IREB2: variants seen among roughly 807,000 people sequenced by gnomAD.
IREB2 encodes the protein iron-responsive element-binding protein 2.
IREB2 carries 39 observed loss-of-function variants against 118.8 expected under a neutral mutation model. The ratio of observed to expected loss-of-function variants is 0.33; its 90% CI spans 0.25 to 0.43. The LOEUF (loss-of-function observed/expected upper bound fraction) is 0.43, where lower values mean the gene tolerates loss of function less well. IREB2 is among the 20% of genes least tolerant of loss of function. The pLI is 1.00. For missense variants in IREB2, 900 were observed against 1,147.3 expected, an observed-to-expected ratio of 0.78 and a Z score of 3.11; for synonymous variants, 372 against 392.2, an observed-to-expected ratio of 0.95 and a Z score of 0.61.
rs991724853 is a variant in IREB2, at chr15:78,500,718, A to C, written c.*2575A>C. On this transcript the variant is annotated 3_prime_UTR_variant, in exon 22 of 22. Coordinates refer to ENST00000258886, the MANE Select transcript of IREB2 (RefSeq NM_004136.4). Reference sequence around the variant, plus strand: ...TATTTTGGGGTTTTGCTACTCTTATACAATGGAATCAATGGAAATGTCATC... The same window carrying C: ...TATTTTGGGGTTTTGCTACTCTTATCCAATGGAATCAATGGAAATGTCATC... The C allele has an allele frequency of 6.6e-6, 1 of 152,208 alleles. No individual in the cohort carries two copies. Among genetic ancestry groups the C allele is most frequent in the Non-Finnish European group, 1.5e-5 (1 of 68,030 alleles). The allele number at this position is 152,208 out of a possible 1,614,324, so 9.4% of individuals were successfully genotyped here.
At chr15:78,466,125 C>G in intron 4 of IREB2, 146 bp from the exon 5 acceptor site, 1 of 495,738 alleles carries the variant, frequency 2.0e-6, no homozygotes, top group Non-Finnish European at 3.6e-6. Context: ...TGAGATTTGC[C>G]TTTGAAACCT....
In IREB2 at chr15:78,478,357, G is replaced by A. The variant is rs753403583; in HGVS notation, c.1256G>A (p.Arg419Gln). 11 of 1,612,890 alleles carry A rather than the reference G, an allele frequency of 6.8e-6. No individual in the cohort carries two copies. The highest frequency in any genetic ancestry group is 4.5e-5 in the East Asian group (2 of 44,880). Residue 419 changes from arginine (R) to glutamine (Q), a missense_variant, in exon 10 of 22, where the codon CGA becomes CAA. By Grantham distance (43) the Arg-to-Gln change is conservative. Transcript: ENST00000258886. ...TACCTTAAAGCTGTGAAATTGTTTCGAAATGACCAGAATTCTTCAGGAGAA... is the reference window on the plus strand; with the variant it reads ...TACCTTAAAGCTGTGAAATTGTTTCAAAATGACCAGAATTCTTCAGGAGAA... Reference protein sequence around the residue: ...ETYLKAVKLFRNDQNSSGEPE... With the variant: ...ETYLKAVKLFQNDQNSSGEPE...
rs1356203268 is a variant in IREB2 at position 78,488,679 on chromosome 15, C to T, written c.1984C>T (p.His662Tyr). ...TDPTGKNIYLHDIWPSREEVH... is the reference protein window; with the variant it reads ...TDPTGKNIYLYDIWPSREEVH... ...CCCCACCGGCAAGAACATTTACCTGCATGATATTTGGCCTAGTCGAGAAGA... is the reference window on the plus strand; with the variant it reads ...CCCCACCGGCAAGAACATTTACCTGTATGATATTTGGCCTAGTCGAGAAGA... The change falls in exon 16 of 22, where the codon CAT (histidine) becomes TAT (tyrosine). Residue 662 changes from histidine to tyrosine, a missense_variant. His to Tyr is a moderately conservative substitution (Grantham distance 83). Transcript: ENST00000258886. 1 of 1,612,634 alleles carries T rather than the reference C, an allele frequency of 6.2e-7. No homozygotes were observed. The highest frequency in any genetic ancestry group is 2.2e-5 in the East Asian group (1 of 44,802).
chr15:78,490,830 G>A (rs1045644893), intron 18 of IREB2, 69 bp downstream of exon 18: 2 of 1,413,048 alleles, frequency 1.4e-6, no homozygotes, highest in Non-Finnish European at 2.0e-6. Context: ...GCTTCTATTG[G>A]TCTTGTTCCT....
At chr15:78,473,618 C>T (rs1165581562) in intron 8 of IREB2, 5 of 438,090 alleles carry the variant, frequency 1.1e-5, no homozygotes, top group Non-Finnish European at 1.6e-5. Context: ...TTATAACAAG[C>T]CTGTGAGATG....
Position 78,497,296 on chromosome 15 carries a change from T to C in IREB2, c.2766T>C (p.Ile922=), listed in dbSNP as rs1408781593. Residue 922 remains isoleucine, a synonymous_variant, in exon 21 of 22, where the codon ATT becomes ATC. Coordinates refer to ENST00000258886, the MANE Select transcript of IREB2 (RefSeq NM_004136.4). ...TTCCTGAAGAACTGTCTCCTGGAAT[T>C]ACATTGAATATACAGGTATCTCTAA... ...LTFPEELSPG[I]TLNIQTSTGK... 6.2e-7 allele frequency: 1 copy of C among 1,611,904 alleles called. No homozygotes were observed. Among genetic ancestry groups the C allele is most frequent in the Non-Finnish European group, 8.5e-7 (1 of 1,178,070 alleles).
chr15:78,447,224 T>C (rs1423413092), intron 2 of IREB2, among the ~76,000 whole-genome samples: 1 of 151,196 alleles, frequency 6.6e-6, no homozygotes, highest in African/African-American at 2.4e-5. Context: ...TTACTCAAGC[T>C]GGGGTACAGT....
intron 2 of IREB2, among the ~76,000 whole-genome samples, chr15:78,462,107 T>G (rs986250694): frequency 6.6e-6 from 1 of 152,206 alleles, no homozygotes; most frequent in East Asian, 1.9e-4. Context: ...GTTTTTAAAC[T>G]CTCTTTCTTA....
rs559871633 is a variant in IREB2 at position 78,438,406 on chromosome 15, C to T, written c.19+50C>T. The T allele has an allele frequency of 4.8e-5, 75 of 1,574,554 alleles. 2 individuals are homozygous for T. The South Asian group carries it at 8.0e-4, about 17-fold the overall frequency. Reference sequence around the variant, plus strand: ...GTCTGGCAGTTGGAAACGCGCGCTGCCTAGGCGCCGAATTCCTTGCTTTTC... The same window carrying T: ...GTCTGGCAGTTGGAAACGCGCGCTGTCTAGGCGCCGAATTCCTTGCTTTTC... On this transcript the variant is annotated intron_variant, in intron 1 of 21. Transcript: ENST00000258886.
intron 2 of IREB2, among the ~76,000 whole-genome samples, chr15:78,447,937 T>C (rs1348976990): frequency 6.6e-6 from 1 of 152,214 alleles, no homozygotes; most frequent in Non-Finnish European, 1.5e-5. Context: ...GAAGGCTGGC[T>C]CCAGGTCCCA....
intron 2 of IREB2, 59 bp from the exon 3 acceptor site, chr15:78,462,863 T>G: frequency 3.8e-6 from 5 of 1,312,766 alleles, no homozygotes; most frequent in Non-Finnish European, 3.1e-6. Flanking sequence ...TATGGCATTT[T>G]AAAAATAATA....
At chr15:78,469,790 C>G (rs762576657) in intron 5 of IREB2, among the ~76,000 whole-genome samples, 6 of 152,014 alleles carry the variant, frequency 3.9e-5, no homozygotes, top group Admixed American at 3.9e-4. Flanking sequence ...CCCTGGAGGA[C>G]ACGTATAATT....
rs760843293 is a variant in IREB2 at position 78,488,674 on chromosome 15, A to T, written c.1979A>T (p.Tyr660Phe). ...ACTGACCCCACCGGCAAGAACATTT[A>T]CCTGCATGATATTTGGCCTAGTCGA... ...LGTDPTGKNI[Y>F]LHDIWPSREE... The change falls in exon 16 of 22, where the codon TAC (tyrosine) becomes TTC (phenylalanine). Residue 660 changes from tyrosine to phenylalanine, a missense_variant. Tyr to Phe is a conservative substitution (Grantham distance 22). Transcript: ENST00000258886. The T allele has an allele frequency of 6.2e-7, 1 of 1,612,772 alleles. No homozygotes were observed. Among genetic ancestry groups the T allele is most frequent in the East Asian group, 2.2e-5 (1 of 44,798 alleles).
At chr15:78,465,451 A>T in intron 4 of IREB2, 63 bp downstream of exon 4, 5 of 1,417,190 alleles carry the variant, frequency 3.5e-6, no homozygotes, top group Non-Finnish European at 4.9e-6. Context: ...TGTGTCATGT[A>T]GAGGAAAAGG....
intron 8 of IREB2, chr15:78,474,997 G>A (rs2051442520): frequency 7.0e-6 from 1 of 142,344 alleles, no homozygotes; most frequent in Non-Finnish European, 1.5e-5. Flanking sequence ...GGAGCTTGCA[G>A]TGAGCCGAGA....
intron 2 of IREB2, among the ~76,000 whole-genome samples, chr15:78,457,017 GC>G (rs1452456563): frequency 6.6e-6 from 1 of 152,176 alleles, no homozygotes; most frequent in Non-Finnish European, 1.5e-5. Flanking sequence ...TCAATGTTGA[GC>G]ATTTATGTTA....
intron 10 of IREB2, chr15:78,481,569 G>C (rs1278161128): frequency 6.9e-6 from 1 of 144,946 alleles, no homozygotes; most frequent in East Asian, 2.0e-4. Context: ...GTTTCACCGT[G>C]TTAGCCAGGA....
At chr15:78,450,537 G>T (rs890497862) in intron 2 of IREB2, among the ~76,000 whole-genome samples, 6 of 152,194 alleles carry the variant, frequency 3.9e-5, no homozygotes, top group Admixed American at 3.9e-4. Context: ...GGGATCTGAT[G>T]ATCAGGAACT....
chr15:78,488,676 C>T lies in IREB2; in HGVS notation c.1981C>T (p.Leu661=), dbSNP rs1215104183. 1 of 1,612,292 alleles carries T rather than the reference C, an allele frequency of 6.2e-7. No individual in the cohort carries two copies. The highest frequency in any genetic ancestry group is 8.5e-7 in the Non-Finnish European group (1 of 1,179,276). ...GTDPTGKNIY[L]HDIWPSREEV... is the part of the protein sequence containing the mutation. Reference sequence around the variant, plus strand: ...TGACCCCACCGGCAAGAACATTTACCTGCATGATATTTGGCCTAGTCGAGA... The same window carrying T: ...TGACCCCACCGGCAAGAACATTTACTTGCATGATATTTGGCCTAGTCGAGA... Residue 661 remains leucine, a synonymous_variant, in exon 16 of 22, where the codon CTG becomes TTG. Coordinates refer to ENST00000258886, the MANE Select transcript of IREB2 (RefSeq NM_004136.4).
Sources: gnomAD v4.1 joint callset for allele counts (sites outside exome capture counted in the v4.1 genomes callset) on GRCh38, gnomAD v4.1.1 for gene constraint, MANE v1.5 for transcripts, NCBI Gene and HGNC (gene_info 2026-07-23, HGNC 2026-07-21) for gene names.